The following CWC22 variants were observed in gnomAD, a reference collection of about 807,000 sequenced individuals.
The protein encoded by CWC22 is pre-mRNA-splicing factor CWC22 homolog.
In CWC22, 53 loss-of-function variants were observed where a neutral mutation model predicts 117.2. That is an observed-to-expected ratio of 0.45 (90% CI 0.36 to 0.57). The LOEUF (loss-of-function observed/expected upper bound fraction) is 0.57, where lower values mean the gene tolerates loss of function less well. Ranked by LOEUF, CWC22 falls within the 20% of genes least tolerant of loss-of-function variation. The pLI is 0.00. For synonymous variants in CWC22, 360 were observed against 355.6 expected, an observed-to-expected ratio of 1.01 and a Z score of -0.14; for missense variants, 980 against 1,068.8, an observed-to-expected ratio of 0.92 and a Z score of 1.16.
chr2:179,963,252 A>G (rs1041272100), intron 13 of CWC22, among the ~76,000 whole-genome samples: 3 of 152,024 alleles, frequency 2.0e-5, no homozygotes, highest in Non-Finnish European at 4.4e-5. Context: ...CAAACAAATG[A>G]AAGGTCAAAC....
At chr2:179,984,068 T>C (rs544555727) in intron 4 of CWC22, among the ~76,000 whole-genome samples, 102 of 152,258 alleles carry the variant, frequency 6.7e-4, no homozygotes, top group Non-Finnish European at 1.2e-3. Context: ...GCTTACTTCA[T>C]AGTGTGACTG....
intron 19 of CWC22, among the ~76,000 whole-genome samples, chr2:179,946,417 C>T (rs1686300291): frequency 7.2e-6 from 1 of 139,004 alleles, no homozygotes; most frequent in Admixed American, 7.5e-5. Context: ...CACCGCTACA[C>T]CCCAGCCTGG....
chr2:179,971,133 ATTTTTATAATTTC>A, intron 8 of CWC22, 57 bp from the exon 9 acceptor site: 1 of 1,171,972 alleles, frequency 8.5e-7, no homozygotes, highest in Non-Finnish European at 1.2e-6. Flanking sequence ...ACATTAAATT[ATTTTTATAATTTC>A]TAAAAATTAG....
chr2:179,996,542 T>C (rs767789129), intron 1 of CWC22, among the ~76,000 whole-genome samples: 1 of 152,138 alleles, frequency 6.6e-6, no homozygotes, highest in Admixed American at 6.5e-5. Flanking sequence ...TACTGTTGAC[T>C]TCTCATCAGA....
In CWC22 at chr2:179,970,582, T is replaced by G. The variant is rs752609905; in HGVS notation, c.1148-19A>C. On this transcript the variant is annotated intron_variant, in intron 10 of 19. Coordinates refer to ENST00000410053, the MANE Select transcript of CWC22 (RefSeq NM_020943.3). ...AAAACATCTAAAAAAAATGTAAAAG[T>G]TAATGTTTATTTTCTATATTTACAT... 1.5e-5 allele frequency: 23 copies of G among 1,552,564 alleles called. No homozygotes were observed. The highest frequency in any genetic ancestry group is 1.7e-4 in the Middle Eastern group (1 of 6,000).
intron 11 of CWC22, among the ~76,000 whole-genome samples, chr2:179,968,989 C>T (rs2105525851): frequency 6.6e-6 from 1 of 152,128 alleles, no homozygotes; most frequent in African/African-American, 2.4e-5. Flanking sequence ...TAGTAAATAG[C>T]AATAGATACA....
chr2:180,000,126 A>G (rs908544049), intron 1 of CWC22, among the ~76,000 whole-genome samples: 9 of 152,234 alleles, frequency 5.9e-5, no homozygotes, highest in Middle Eastern at 3.4e-3. Context: ...GTTTCTTGCT[A>G]TTTTTTCCTG....
At chr2:179,985,134 A>C in intron 4 of CWC22, among the ~76,000 whole-genome samples, 1 of 152,064 alleles carries the variant, frequency 6.6e-6, no homozygotes, top group East Asian at 1.9e-4. Flanking sequence ...CTAGTAACTA[A>C]AACTTGAACT....
At position 179,997,949 on chromosome 2, in the gene CWC22, A is replaced by C. The variant is rs558453677; in HGVS notation, c.-113-4495T>G. On this transcript the variant is annotated intron_variant, in intron 1 of 19. Coordinates refer to ENST00000410053, the MANE Select transcript of CWC22 (RefSeq NM_020943.3). ...AAACTAGTTTGATGTCACTATATTA[A>C]ACACAACTTGAATCAAGAAAAAATG... Among the ~76,000 whole-genome samples, 89 of 152,312 alleles carry C rather than the reference A, an allele frequency of 5.8e-4. 1 individual carries two copies. The highest frequency in any genetic ancestry group is 2.1e-3 in the African/African-American group (87 of 41,578).
chr2:179,970,521 T>C lies in CWC22; in HGVS notation c.1190A>G (p.Lys397Arg). Residue 397 changes from lysine to arginine, a missense_variant, in exon 11 of 20, where the codon AAG (lysine) becomes AGG (arginine). Transcript: ENST00000410053. ...CATACCTTTCTTAATAGCTTTGTAC[T>C]TCTCTTCATTCTCCATAAAATTAGG... ...MDPNFMENEE[K>R]YKAIKKEILD... is the part of the protein sequence containing the mutation. 1 of 1,541,068 alleles carries C rather than the reference T, an allele frequency of 6.5e-7. No individual in the cohort carries two copies. Among genetic ancestry groups the C allele is most frequent in the Non-Finnish European group, 8.8e-7 (1 of 1,138,696 alleles).
intron 17 of CWC22, 112 bp from the exon 18 acceptor site, chr2:179,951,038 C>T (rs1686434142): frequency 1.5e-6 from 1 of 660,298 alleles, no homozygotes; most frequent in Non-Finnish European, 2.6e-6. Context: ...TGAAATACAA[C>T]CAAGTAACTA....
At chr2:179,988,517 T>C in intron 3 of CWC22, 60 bp downstream of exon 3, 1 of 886,238 alleles carries the variant, frequency 1.1e-6, no homozygotes, top group Non-Finnish European at 1.7e-6. Context: ...AGAGCTAAAT[T>C]ATTACATAAA....
chr2:179,952,201 G>A (rs1686467892), intron 17 of CWC22, among the ~76,000 whole-genome samples: 1 of 151,970 alleles, frequency 6.6e-6, no homozygotes, highest in Non-Finnish European at 1.5e-5. Context: ...AATATCACTG[G>A]AGAATTCAAG....
chr2:180,007,183 G>T lies in CWC22; in HGVS notation c.-430C>A, dbSNP rs1466684016. The T allele has an allele frequency of 6.6e-6, 1 of 152,218 alleles. No individual in the cohort carries two copies. Among genetic ancestry groups the T allele is most frequent in the Non-Finnish European group, 1.5e-5 (1 of 68,038 alleles). The allele number at this position is 152,218 out of a possible 1,614,324, so 9.4% of individuals were successfully genotyped here. A position where few individuals can be genotyped will look rare whatever the true frequency, so the allele number is the denominator to read the frequency against. The stretch of plus-strand genomic sequence containing the variant: ...TATTTAAAAACTTGACGCTCAATTG[G>T]CTTGACACGTTATCCCTTTAATTTA... On this transcript the variant is annotated 5_prime_UTR_variant, in exon 1 of 20. Coordinates refer to ENST00000410053, the MANE Select transcript of CWC22 (RefSeq NM_020943.3).
At chr2:180,000,076 T>C (rs886585660) in intron 1 of CWC22, among the ~76,000 whole-genome samples, 7 of 152,202 alleles carry the variant, frequency 4.6e-5, no homozygotes, top group South Asian at 4.1e-4. Context: ...GTACTTTCCA[T>C]ATCTGTACTG....
chr2:179,967,795 G>A (rs1313024184), intron 11 of CWC22, among the ~76,000 whole-genome samples: 3 of 152,144 alleles, frequency 2.0e-5, no homozygotes, highest in African/African-American at 7.2e-5. Context: ...TTGTGTGACT[G>A]CTTGCTTTGC....
Position 179,952,482 on chromosome 2 carries a change from T to C in CWC22, c.1806A>G (p.Arg602=), listed in dbSNP as rs1022117104. The C allele has an allele frequency of 4.5e-6, 7 of 1,559,682 alleles. No homozygotes were observed. The highest frequency in any genetic ancestry group is 1.9e-5 in the Admixed American group (1 of 51,626). The part of the protein sequence containing the change: ...EYMGLPKLNA[R]LKDETLQPFF... Reference sequence around the variant, plus strand: ...AATGGCAAACTTACTCATCCTTTAATCTTGCATTAAGTTTAGGAAGACCCA... The same window carrying C: ...AATGGCAAACTTACTCATCCTTTAACCTTGCATTAAGTTTAGGAAGACCCA... The change falls in exon 17 of 20, where the codon AGA becomes AGG. Residue 602 remains arginine (R), a synonymous_variant. Transcript: ENST00000410053.
intron 15 of CWC22, 24 bp from the exon 16 acceptor site, chr2:179,954,381 AT>A: frequency 6.9e-7 from 1 of 1,458,028 alleles, no homozygotes; most frequent in Non-Finnish European, 9.4e-7. Flanking sequence ...AATCAGTACC[AT>A]TAAAAATTGA....
chr2:179,946,466 G>GAAAAA (rs1559282496), intron 19 of CWC22, among the ~76,000 whole-genome samples: 1 of 100,262 alleles, frequency 1.0e-5, no homozygotes, highest in African/African-American at 4.0e-5. Flanking sequence ...AAAAAAAAAG[G>GAAAAA]GGGGGGGGGA....
Sources: gnomAD v4.1 joint callset for allele counts (sites outside exome capture counted in the v4.1 genomes callset) on GRCh38, gnomAD v4.1.1 for gene constraint, MANE v1.5 for transcripts, NCBI Gene and HGNC (gene_info 2026-07-23, HGNC 2026-07-21) for gene names.